The following DDX59 variants were observed in gnomAD, a reference collection of about 807,000 sequenced individuals.
DDX59 encodes probable ATP-dependent RNA helicase DDX59.
DDX59 carries 30 observed loss-of-function variants against 51.9 expected under a neutral mutation model. The observed-to-expected ratio is 0.58, with a 90% CI of 0.43 to 0.78. The LOEUF (loss-of-function observed/expected upper bound fraction) is 0.78. Ranked by LOEUF, DDX59 falls within the 30% of genes least tolerant of loss-of-function variation. The pLI, the probability that DDX59 is intolerant of heterozygous loss-of-function variation, is 0.00. For synonymous variants in DDX59, 255 were observed against 253.3 expected, an observed-to-expected ratio of 1.01 and a Z score of -0.06; for missense variants, 672 against 730.8, an observed-to-expected ratio of 0.92 and a Z score of 0.93.
At chr1:200,651,127 A>T (rs1267270527) in intron 4 of DDX59, among the ~76,000 whole-genome samples, 2 of 152,198 alleles carry the variant, frequency 1.3e-5, no homozygotes, top group Non-Finnish European at 2.9e-5. Flanking sequence ...AGAAACTGCT[A>T]AATTGCTAAT....
In DDX59 at chr1:200,666,598, T is replaced by G. The variant is rs1263616075; in HGVS notation, c.143A>C (p.Glu48Ala). The G allele has an allele frequency of 6.2e-7, 1 of 1,614,228 alleles. No individual in the cohort carries two copies. The highest frequency in any genetic ancestry group is 1.1e-5 in the South Asian group (1 of 91,090). The change falls in exon 2 of 8, where the codon GAA becomes GCA. Residue 48 changes from glutamate (E) to alanine (A), a missense_variant. Transcript: ENST00000331314. ...GATGTGCCTGTCTATTGTGGCTGCT[T>G]CTGTAGCTACAGCATCAACGGGAAC... ...RDVPVDAVAT[E>A]AATIDRHISE...
At chr1:200,654,156 G>A (rs1157165953) in intron 4 of DDX59, among the ~76,000 whole-genome samples, 2 of 152,232 alleles carry the variant, frequency 1.3e-5, no homozygotes, top group African/African-American at 4.8e-5. Flanking sequence ...GCTCAAGCCT[G>A]TAATCCCAGC....
intron 7 of DDX59, 58 bp from the exon 8 acceptor site, chr1:200,644,575 T>C: frequency 6.6e-7 from 1 of 1,512,132 alleles, no homozygotes; most frequent in Non-Finnish European, 8.8e-7. Flanking sequence ...TAGTGTCTTT[T>C]GAAAGAAAAT....
chr1:200,641,193 A>C (rs769165330), downstream of DDX59: 19 of 1,304,774 alleles, frequency 1.5e-5, no homozygotes, highest in African/African-American at 3.0e-5. Context: ...AGACTGTATA[A>C]CAAGGCAATA....
At position 200,659,848 on chromosome 1, in the gene DDX59, G is replaced by A. The variant is rs114399187; in HGVS notation, c.973-732C>T. ...GATTACAGGCATGCCACCACACCTG[G>A]CTAATTTTTTGTTTTTTTGCAGAGA... On this transcript the variant is annotated intron_variant, in intron 3 of 7. Transcript: ENST00000331314. Among the ~76,000 whole-genome samples, 1,019 of 152,146 alleles carry A rather than the reference G, an allele frequency of 6.7e-3. 13 individuals carry two copies. The highest frequency in any genetic ancestry group is 0.024 in the African/African-American group (978 of 41,508).
At chr1:200,662,642 G>A (rs1662451084) in intron 3 of DDX59, among the ~76,000 whole-genome samples, 1 of 152,176 alleles carries the variant, frequency 6.6e-6, no homozygotes, top group Admixed American at 6.5e-5. Context: ...GGCAACTAGA[G>A]ACTAACACCA....
At chr1:200,653,417 T>G (rs763473471) in intron 4 of DDX59, among the ~76,000 whole-genome samples, 4 of 152,208 alleles carry the variant, frequency 2.6e-5, no homozygotes, top group Non-Finnish European at 5.9e-5. Context: ...TTAATCATCC[T>G]GTCAACCCAC....
At chr1:200,665,839 T>C in intron 2 of DDX59, 98 bp downstream of exon 2, 1 of 1,329,450 alleles carries the variant, frequency 7.5e-7, no homozygotes, top group East Asian at 2.5e-5. Context: ...AAATATTTAG[T>C]TTTAGTCTGC....
intron 7 of DDX59, among the ~76,000 whole-genome samples, chr1:200,646,576 C>T (rs957778973): frequency 6.6e-5 from 10 of 152,152 alleles, no homozygotes; most frequent in Admixed American, 6.5e-4. Flanking sequence ...ACTTCATACC[C>T]ACTAGCATAG....
At chr1:200,657,577 G>A (rs1038189387) in intron 4 of DDX59, among the ~76,000 whole-genome samples, 5 of 151,858 alleles carry the variant, frequency 3.3e-5, no homozygotes, top group Non-Finnish European at 5.9e-5. Context: ...GTGAAACCCC[G>A]TCTCTACTAA....
intron 7 of DDX59, among the ~76,000 whole-genome samples, chr1:200,644,966 T>C (rs1571604492): frequency 6.6e-6 from 1 of 150,944 alleles, no homozygotes; most frequent in East Asian, 1.9e-4. Flanking sequence ...TTTTGAATTA[T>C]GCATCTCAAT....
intron 6 of DDX59, 56 bp from the exon 7 acceptor site, chr1:200,648,623 GTAATTCTGATAGCTTTTCTTTTTA>G (rs1661451104): frequency 6.5e-7 from 1 of 1,546,564 alleles, no homozygotes; most frequent in South Asian, 1.2e-5. Context: ...GTGGTTTTGT[GTAATTCTGATAGCTTTTCTTTTTA>G]TAATGCTTAC....
chr1:200,645,497 T>A (rs1350523695), intron 7 of DDX59, among the ~76,000 whole-genome samples: 2 of 152,164 alleles, frequency 1.3e-5, no homozygotes, highest in African/African-American at 4.8e-5. Context: ...CAGGCTGGTC[T>A]TAAACTCCTG....
intron 3 of DDX59, among the ~76,000 whole-genome samples, chr1:200,659,653 C>T (rs1662255010): frequency 1.3e-5 from 2 of 152,296 alleles, no homozygotes; most frequent in South Asian, 2.1e-4. Context: ...TCTAAGGTTG[C>T]TTAAGGCTCT....
intron 3 of DDX59, among the ~76,000 whole-genome samples, chr1:200,662,453 G>C (rs1027352918): frequency 6.6e-6 from 1 of 152,126 alleles, no homozygotes; most frequent in African/African-American, 2.4e-5. Flanking sequence ...TCAGGAGTTT[G>C]AGACCAGCCT....
At chr1:200,649,903 C>T (rs34428088) in intron 5 of DDX59, among the ~76,000 whole-genome samples, 60,349 of 149,018 alleles carry the variant, frequency 0.4, 12,286 homozygotes, top group Non-Finnish European at 0.42. Flanking sequence ...AGTGCAGTGG[C>T]GCAATCTCAG....
At chr1:200,662,999 C>CA (rs1207429327) in intron 3 of DDX59, among the ~76,000 whole-genome samples, 1 of 152,224 alleles carries the variant, frequency 6.6e-6, no homozygotes, top group Non-Finnish European at 1.5e-5. Context: ...CTTAAAACAA[C>CA]ATTTTACAGG....
intron 3 of DDX59, among the ~76,000 whole-genome samples, chr1:200,660,451 G>A (rs911781308): frequency 1.3e-5 from 2 of 152,136 alleles, no homozygotes; most frequent in African/African-American, 2.4e-5. Context: ...ACAGAAAGGC[G>A]GCCCTGCATG....
intron 3 of DDX59, among the ~76,000 whole-genome samples, chr1:200,663,117 T>C (rs934118506): frequency 6.6e-5 from 10 of 152,306 alleles, no homozygotes; most frequent in Non-Finnish European, 1.3e-4. Flanking sequence ...TCATCCCAGC[T>C]GGTACTGCTG....
Sources: gnomAD v4.1 joint callset for allele counts (sites outside exome capture counted in the v4.1 genomes callset) on GRCh38, gnomAD v4.1.1 for gene constraint, MANE v1.5 for transcripts, NCBI Gene and HGNC (gene_info 2026-07-23, HGNC 2026-07-21) for gene names.